RIC8B: variants seen among roughly 807,000 people sequenced by gnomAD.
The protein encoded by RIC8B is chaperone Ric-8B.
Under a neutral mutation model 57.5 loss-of-function variants are expected in RIC8B, and 16 were observed. The ratio of observed to expected loss-of-function variants is 0.28; its 90% confidence interval spans 0.19 to 0.42. The LOEUF is 0.42. Ranked by LOEUF, RIC8B falls within the 10% of genes least tolerant of loss-of-function variation. The probability of loss-of-function intolerance (pLI) is 1.00; values close to 1 mark genes in which losing one functional copy is unlikely to be tolerated. For missense variants in RIC8B, 481 were observed against 677.0 expected (o/e 0.71, Z 3.21); for synonymous variants, 216 against 250.8 (o/e 0.86, Z 1.31).
intron 1 of RIC8B, among the ~76,000 whole-genome samples, chr12:106,782,693 C>T (rs2043819728): frequency 6.6e-6 from 1 of 152,198 alleles, no homozygotes; most frequent in African/African-American, 2.4e-5. Context: ...TCTGAGTCTT[C>T]CCTCTGATCA....
chr12:106,879,768 G>A lies in RIC8B; in HGVS notation c.1572-6136G>A, dbSNP rs1048379443. On this transcript the variant is annotated intron_variant, in intron 9 of 9. Coordinates refer to ENST00000392837, the MANE Select transcript of RIC8B (RefSeq NM_001330145.2). This position sits in a 1 kb window ranked among gnomAD's most constrained non-coding sequence, Gnocchi z 4.9. Reference sequence around the variant, plus strand: ...AGATCAAATTTCTAAATGATGTTTCGTTCCAGTTGAACATTCTTGGAGGCT... The same window carrying A: ...AGATCAAATTTCTAAATGATGTTTCATTCCAGTTGAACATTCTTGGAGGCT... 5 of 985,266 alleles carry A rather than the reference G, an allele frequency of 5.1e-6. No homozygotes were observed. The highest frequency in any genetic ancestry group is 4.7e-5 in the South Asian group (1 of 21,282). The allele number at this position is 985,266 out of a possible 1,614,324, so 61.0% of individuals were successfully genotyped here.
intron 2 of RIC8B, among the ~76,000 whole-genome samples, chr12:106,787,175 T>C (rs546967181): frequency 1.3e-5 from 2 of 152,334 alleles, no homozygotes; most frequent in East Asian, 3.9e-4. Flanking sequence ...CCAGTTACAG[T>C]GTGTAGGTTT....
chr12:106,778,723 C>G (rs867793698), intron 1 of RIC8B, among the ~76,000 whole-genome samples: 24 of 152,096 alleles, frequency 1.6e-4, no homozygotes, highest in African/African-American at 5.3e-4. Context: ...TGCCTTTACC[C>G]TGTCTCTTCT....
intron 1 of RIC8B, 191 bp downstream of exon 1, chr12:106,775,020 C>A (rs558260498): frequency 1.0e-5 from 6 of 577,596 alleles, no homozygotes; most frequent in Non-Finnish European, 1.9e-5. Flanking sequence ...CCCACTACCC[C>A]CACTGTAGCG....
intron 1 of RIC8B, among the ~76,000 whole-genome samples, chr12:106,778,899 C>T (rs1160777701): frequency 6.6e-6 from 1 of 152,174 alleles, no homozygotes; most frequent in Non-Finnish European, 1.5e-5. Flanking sequence ...ATAGTATTTG[C>T]ATATAATCTG....
intron 4 of RIC8B, among the ~76,000 whole-genome samples, chr12:106,828,595 A>G (rs1243541481): frequency 1.3e-5 from 2 of 152,172 alleles, no homozygotes; most frequent in Non-Finnish European, 2.9e-5. Context: ...CGTTATCATC[A>G]AACCCAAAGA....
At position 106,876,961 on chromosome 12, in the gene RIC8B, G is replaced by A. The variant is rs1950692490; in HGVS notation, c.1571+6019G>A. On this transcript the variant is annotated intron_variant, in intron 9 of 9. Coordinates refer to ENST00000392837, the MANE Select transcript of RIC8B (RefSeq NM_001330145.2). ...AAAAATTCTGTAAATAAATTACCAA[G>A]AAATAATTTTTAAAACCACTTAAAG... 2.6e-5 allele frequency among the ~76,000 whole-genome samples: 4 copies of A among 152,112 alleles called. No homozygotes were observed. The South Asian group carries it at 8.3e-4, about 32-fold the overall frequency.
rs936303864 is a variant in RIC8B at position 106,825,064 on chromosome 12, T to G, written c.742-662T>G. Among the ~76,000 whole-genome samples the G allele has an allele frequency of 2.1e-4, 32 of 152,306 alleles. 1 individual carries two copies. The highest frequency in any genetic ancestry group is 7.0e-4 in the African/African-American group (29 of 41,570). The stretch of plus-strand genomic sequence containing the variant: ...AATCTGGAAGAAGAAAGATATGACT[T>G]TGATGCAGATAATTAAAGCAGGTGT... On this transcript the variant is annotated intron_variant, in intron 3 of 9. Coordinates refer to ENST00000392837, the MANE Select transcript of RIC8B (RefSeq NM_001330145.2).
chr12:106,810,030 A>G (rs1038845440), intron 2 of RIC8B, among the ~76,000 whole-genome samples: 1 of 141,742 alleles, frequency 7.1e-6, no homozygotes, highest in Non-Finnish European at 1.5e-5. Context: ...AAACATATTT[A>G]TTATTTATTA....
intron 2 of RIC8B, among the ~76,000 whole-genome samples, chr12:106,808,567 A>G (rs932556989): frequency 6.6e-6 from 1 of 152,200 alleles, no homozygotes; most frequent in Admixed American, 6.5e-5. Flanking sequence ...ATAAAAATTA[A>G]TCACTAAAAG....
At chr12:106,793,331 T>C (rs1322730954) in intron 2 of RIC8B, among the ~76,000 whole-genome samples, 6 of 152,200 alleles carry the variant, frequency 3.9e-5, no homozygotes, top group Non-Finnish European at 8.8e-5. Flanking sequence ...GCAAGCCTTA[T>C]AAAAGAGAGT....
At chr12:106,869,624 G>A (rs778125795) in intron 8 of RIC8B, among the ~76,000 whole-genome samples, 22 of 152,032 alleles carry the variant, frequency 1.4e-4, no homozygotes, top group Non-Finnish European at 7.4e-5. Flanking sequence ...CTATTTGCAG[G>A]GATATTTAAT....
chr12:106,828,127 T>C (rs1229394912), intron 4 of RIC8B, among the ~76,000 whole-genome samples: 2 of 152,232 alleles, frequency 1.3e-5, no homozygotes, highest in African/African-American at 2.4e-5. Flanking sequence ...GTTATTTTGA[T>C]AAAAACCTAT....
At chr12:106,823,420 G>T (rs566347895) in intron 3 of RIC8B, 3 of 456,138 alleles carry the variant, frequency 6.6e-6, no homozygotes, top group Non-Finnish European at 1.3e-5. Flanking sequence ...GTACAACTTG[G>T]GAGTTGATGT....
At chr12:106,835,070 A>G (rs747602247) in intron 4 of RIC8B, among the ~76,000 whole-genome samples, 7 of 148,986 alleles carry the variant, frequency 4.7e-5, no homozygotes, top group Non-Finnish European at 7.4e-5. Flanking sequence ...GGTTGTATCT[A>G]CCTCACTTTG....
intron 6 of RIC8B, 104 bp from the exon 7 acceptor site, chr12:106,851,346 A>G (rs773023539): frequency 9.6e-5 from 71 of 740,164 alleles, no homozygotes; most frequent in Non-Finnish European, 1.1e-4. Context: ...TGCTCCTACA[A>G]TACAAACCCC....
At chr12:106,883,446 G>A (rs951942061) in intron 9 of RIC8B, among the ~76,000 whole-genome samples, 8 of 152,142 alleles carry the variant, frequency 5.3e-5, no homozygotes, top group Admixed American at 3.9e-4. Flanking sequence ...TGGTTGTCAT[G>A]TAGGCACCTC....
intron 4 of RIC8B, among the ~76,000 whole-genome samples, chr12:106,828,270 T>G (rs1593230403): frequency 6.6e-6 from 1 of 152,206 alleles, no homozygotes; most frequent in Non-Finnish European, 1.5e-5. Context: ...CATGTTCCTT[T>G]AATCAGAATT....
rs376575357 is a variant in RIC8B, at chr12:106,855,799, G to A, written c.1306+4205G>A. On this transcript the variant is annotated intron_variant, in intron 7 of 9. Transcript: ENST00000392837. The stretch of plus-strand genomic sequence containing the variant: ...ATCCTCTCCCTTGGCTTCTGTTTGC[G>A]TAGATTCCCAAATCTATGTATCTTT... Among the ~76,000 whole-genome samples the A allele has an allele frequency of 7.9e-5, 12 of 152,142 alleles. 1 individual carries two copies. In the South Asian group the frequency reaches 2.3e-3, roughly 29 times the overall value.
Sources: gnomAD v4.1 joint callset for allele counts (sites outside exome capture counted in the v4.1 genomes callset) on GRCh38, gnomAD v4.1.1 for gene constraint, Gnocchi (gnomAD v3.1) non-coding constraint, MANE v1.5 for transcripts, NCBI Gene and HGNC (gene_info 2026-07-23, HGNC 2026-07-21) for gene names.